The following ASTN2 variants were observed in gnomAD, a reference collection of about 807,000 sequenced individuals.
ASTN2 encodes astrotactin-2.
ASTN2 carries 54 observed loss-of-function variants against 139.8 expected under a neutral mutation model. The observed-to-expected ratio is 0.39, with a 90% CI of 0.31 to 0.48. The LOEUF (loss-of-function observed/expected upper bound fraction) is 0.48. Among genes scored for constraint, ASTN2 ranks in the 20% least tolerant of loss-of-function variants. The pLI is 0.95. For missense variants in ASTN2, 1,565 were observed against 1,725.1 expected (o/e 0.91, Z 1.64); for synonymous variants, 756 against 719.5 (o/e 1.05, Z -0.81).
At chr9:116,681,938 G>T (rs1366437468) in intron 16 of ASTN2, among the ~76,000 whole-genome samples, 1 of 151,136 alleles carries the variant, frequency 6.6e-6, no homozygotes, top group Non-Finnish European at 1.5e-5. Flanking sequence ...GAAAACCTAG[G>T]CATTACCATT....
In ASTN2 at chr9:117,113,182, C is replaced by A. The variant is rs190709194; in HGVS notation, c.1169-17031G>T. 3.7e-4 allele frequency among the ~76,000 whole-genome samples: 57 copies of A among 152,284 alleles called. No individual in the cohort carries two copies. In the East Asian group the frequency reaches 0.011, roughly 28 times the overall value. On this transcript the variant is annotated intron_variant, in intron 4 of 22. Coordinates refer to ENST00000313400, the MANE Select transcript of ASTN2 (RefSeq NM_001365068.1). ...CACTTTGGAAAAAAACCCTATTTCT[C>A]AAAATGTTAATTCTACAACAACCAA...
At chr9:117,158,498 T>C (rs1348069877) in intron 3 of ASTN2, among the ~76,000 whole-genome samples, 1 of 152,102 alleles carries the variant, frequency 6.6e-6, no homozygotes, top group Non-Finnish European at 1.5e-5. Flanking sequence ...TGACTTGTCA[T>C]TGATATGTTC....
chr9:117,237,643 C>G (rs1833084557), intron 2 of ASTN2, among the ~76,000 whole-genome samples: 1 of 152,138 alleles, frequency 6.6e-6, no homozygotes, highest in Non-Finnish European at 1.5e-5. Flanking sequence ...TCACGCCCCG[C>G]TAATTTTTTC....
intron 7 of ASTN2, among the ~76,000 whole-genome samples, chr9:116,978,080 T>C (rs1836404327): frequency 6.6e-6 from 1 of 152,148 alleles, no homozygotes; most frequent in South Asian, 2.1e-4. Context: ...GTGAGATGCT[T>C]AAAGATGCTG....
At chr9:116,508,805 G>A (rs1850227807) in intron 19 of ASTN2, among the ~76,000 whole-genome samples, 1 of 152,086 alleles carries the variant, frequency 6.6e-6, no homozygotes, top group Admixed American at 6.5e-5. Context: ...CAAGACAAAA[G>A]GATAATTAGA....
chr9:116,949,010 C>G (rs1007341563), intron 10 of ASTN2, among the ~76,000 whole-genome samples: 5 of 151,610 alleles, frequency 3.3e-5, no homozygotes, highest in African/African-American at 9.7e-5. Flanking sequence ...AGGCTGCTCT[C>G]GAACTCTGGA....
At chr9:116,876,520 A>C (rs1833303920) in intron 10 of ASTN2, among the ~76,000 whole-genome samples, 1 of 152,236 alleles carries the variant, frequency 6.6e-6, no homozygotes, top group Non-Finnish European at 1.5e-5. Context: ...GTAAAATGCT[A>C]TCAGACTACA....
chr9:117,294,041 C>T lies in ASTN2; in HGVS notation c.443-2528G>A, dbSNP rs993138609. Among the ~76,000 whole-genome samples, 3 of 152,362 alleles carry T rather than the reference C, an allele frequency of 2.0e-5. No homozygotes were observed. In the South Asian group the frequency reaches 6.2e-4, roughly 32 times the overall value. ...ATCTGAGCTCCTTGCTCCTAGCACT[C>T]TCTCCAGCCTGTGCCTGAAATCCCA... is the stretch of plus-strand genomic sequence containing the variant. On this transcript the variant is annotated intron_variant, in intron 1 of 22. Coordinates refer to ENST00000313400, the MANE Select transcript of ASTN2 (RefSeq NM_001365068.1).
At chr9:116,907,007 T>C (rs1190116432) in intron 10 of ASTN2, among the ~76,000 whole-genome samples, 1 of 152,204 alleles carries the variant, frequency 6.6e-6, no homozygotes, top group Admixed American at 6.5e-5. Context: ...TGAGCAACTA[T>C]AATGTAATCT....
intron 3 of ASTN2, chr9:117,180,542 T>A (rs1233092015): frequency 1.5e-6 from 1 of 661,464 alleles, no homozygotes; most frequent in Non-Finnish European, 2.6e-6. Context: ...TTTGTTCATA[T>A]CCATATTTCA....
At chr9:116,642,132 C>CCAAAAAAAAAAAAAAAAAAAAA (rs1554724602) in intron 17 of ASTN2, among the ~76,000 whole-genome samples, 6 of 48,934 alleles carry the variant, frequency 1.2e-4, no homozygotes, top group African/African-American at 2.3e-4. Context: ...TCCCAACCCA[C>CCAAAAAAAAAAAAAAAAAAAAA]AAAAAAAAAA....
chr9:117,151,083 A>C (rs953885201), intron 3 of ASTN2, among the ~76,000 whole-genome samples: 13 of 152,080 alleles, frequency 8.5e-5, no homozygotes, highest in African/African-American at 3.1e-4. Flanking sequence ...GGATAGACTC[A>C]AACCCCTTGG....
At chr9:116,536,351 C>G (rs1406088941) in intron 19 of ASTN2, among the ~76,000 whole-genome samples, 1 of 152,076 alleles carries the variant, frequency 6.6e-6, no homozygotes, top group Non-Finnish European at 1.5e-5. Flanking sequence ...CTTCTTCTCT[C>G]AACTCCTCAA....
At chr9:116,893,544 A>G (rs1308389935) in intron 10 of ASTN2, among the ~76,000 whole-genome samples, 1 of 152,058 alleles carries the variant, frequency 6.6e-6, no homozygotes, top group East Asian at 1.9e-4. Context: ...CCAGTTGTAA[A>G]CCGAGATGCT....
intron 5 of ASTN2, among the ~76,000 whole-genome samples, chr9:117,094,422 G>C (rs1828789825): frequency 6.6e-6 from 1 of 152,162 alleles, no homozygotes. Flanking sequence ...AAATAGCCCA[G>C]GCCTGCTGAG....
intron 5 of ASTN2, among the ~76,000 whole-genome samples, chr9:117,065,211 C>T (rs927692262): frequency 2.0e-5 from 3 of 152,100 alleles, no homozygotes; most frequent in African/African-American, 7.2e-5. Flanking sequence ...CCAGAAGAAA[C>T]CCACACTGGA....
intron 1 of ASTN2, among the ~76,000 whole-genome samples, chr9:117,385,572 C>A (rs10818034): frequency 0.073 from 11,047 of 151,880 alleles, 687 homozygotes; most frequent in South Asian, 0.19. Context: ...TGAGGGGATG[C>A]AGGAGTAGGA....
At chr9:116,741,508 C>A (rs567060027) in intron 13 of ASTN2, among the ~76,000 whole-genome samples, 2 of 152,172 alleles carry the variant, frequency 1.3e-5, no homozygotes, top group African/African-American at 2.4e-5. Context: ...CTGAACTGAG[C>A]CTTTATGCCA....
At chr9:117,201,097 T>C (rs1831701630) in intron 3 of ASTN2, among the ~76,000 whole-genome samples, 1 of 150,984 alleles carries the variant, frequency 6.6e-6, no homozygotes, top group Non-Finnish European at 1.5e-5. Flanking sequence ...CCTGGTATAG[T>C]CTTTGTAGGG....
Sources: gnomAD v4.1 joint callset for allele counts (sites outside exome capture counted in the v4.1 genomes callset) on GRCh38, gnomAD v4.1.1 for gene constraint, MANE v1.5 for transcripts, NCBI Gene and HGNC (gene_info 2026-07-23, HGNC 2026-07-21) for gene names.